The following MAGI2 variants were observed in gnomAD, a reference collection of about 807,000 sequenced individuals.
MAGI2 encodes the protein membrane associated guanylate kinase, WW and PDZ domain containing 2.
In MAGI2, 35 loss-of-function variants were observed where a neutral mutation model predicts 133.3. The observed-to-expected ratio is 0.26, with a 90% CI of 0.20 to 0.35. The LOEUF is 0.35. MAGI2 is among the 10% of genes least tolerant of loss of function. MAGI2 has a pLI of 1.00. For missense variants in MAGI2, 1,636 were observed against 1,863.4 expected (o/e 0.88, Z 2.25); for synonymous variants, 729 against 710.6 (o/e 1.03, Z -0.41).
At chr7:79,324,654 ATTATATATATATAAAATATATATATATT>A in intron 1 of MAGI2, among the ~76,000 whole-genome samples, 1 of 2,498 alleles carries the variant, frequency 4.0e-4, no homozygotes, top group South Asian at 0.033. Flanking sequence ...ATATATATAT[ATTATATATATATAAAATATATATATATT>A]ATATATATAT....
intron 2 of MAGI2, among the ~76,000 whole-genome samples, chr7:78,773,522 A>T (rs1825749907): frequency 6.6e-6 from 1 of 152,212 alleles, no homozygotes; most frequent in African/African-American, 2.4e-5. Flanking sequence ...CATACTAAGC[A>T]CTGAGGGGTA....
chr7:78,786,698 CA>C (rs1307349657), intron 2 of MAGI2, among the ~76,000 whole-genome samples: 8 of 152,290 alleles, frequency 5.3e-5, no homozygotes, highest in African/African-American at 1.9e-4. Flanking sequence ...TCCTGACACA[CA>C]TACACTTTCT....
chr7:79,039,420 C>CT (rs897160875), intron 1 of MAGI2, among the ~76,000 whole-genome samples: 7 of 151,808 alleles, frequency 4.6e-5, no homozygotes, highest in Admixed American at 2.6e-4. Context: ...TAATTCTTTT[C>CT]TTTTTTTTAA....
chr7:79,220,459 A>G (rs1830364720), intron 1 of MAGI2, among the ~76,000 whole-genome samples: 1 of 151,980 alleles, frequency 6.6e-6, no homozygotes. Flanking sequence ...AATGACCCCA[A>G]TACATACATA....
chr7:79,301,145 T>C (rs920056582), intron 1 of MAGI2, among the ~76,000 whole-genome samples: 4 of 152,100 alleles, frequency 2.6e-5, no homozygotes, highest in African/African-American at 9.7e-5. Flanking sequence ...AAATGTGGAT[T>C]TGGAGCCCCC....
At chr7:78,429,242 A>G (rs890103132) in intron 6 of MAGI2, among the ~76,000 whole-genome samples, 2 of 151,824 alleles carry the variant, frequency 1.3e-5, no homozygotes, top group African/African-American at 4.8e-5. Context: ...CCCAAACATC[A>G]TCAGAACTCC....
chr7:79,293,626 A>G (rs1285329036), intron 1 of MAGI2, among the ~76,000 whole-genome samples: 1 of 152,242 alleles, frequency 6.6e-6, no homozygotes, highest in East Asian at 1.9e-4. Context: ...ATGACATTAT[A>G]AGGTATGTAC....
At chr7:78,248,422 A>G (rs1328251007) in intron 10 of MAGI2, among the ~76,000 whole-genome samples, 1 of 152,178 alleles carries the variant, frequency 6.6e-6, no homozygotes, top group Non-Finnish European at 1.5e-5. Flanking sequence ...CTTATCTATC[A>G]ATAAATACTT....
intron 2 of MAGI2, among the ~76,000 whole-genome samples, chr7:78,685,548 C>A (rs1030031416): frequency 5.5e-5 from 8 of 145,038 alleles, no homozygotes; most frequent in Non-Finnish European, 1.2e-4. Flanking sequence ...AAGAACATAA[C>A]TTTTATTTCA....
chr7:78,770,493 T>C lies in MAGI2; in HGVS notation c.419-143254A>G, dbSNP rs117329203. Among the ~76,000 whole-genome samples, 155 of 152,358 alleles carry C rather than the reference T, an allele frequency of 1.0e-3. No individual in the cohort carries two copies. In the South Asian group the frequency reaches 0.014, roughly 14 times the overall value. ...AAGAAATGCCAAGTCAGCAGATATC[T>C]GCTGTTTACATTTCACAATAACCTA... On this transcript the variant is annotated intron_variant, in intron 2 of 21. Coordinates refer to ENST00000354212, the MANE Select transcript of MAGI2 (RefSeq NM_012301.4).
intron 6 of MAGI2, among the ~76,000 whole-genome samples, chr7:78,376,350 T>C (rs965411360): frequency 1.3e-5 from 2 of 152,126 alleles, no homozygotes; most frequent in Non-Finnish European, 2.9e-5. Context: ...GTCAATATCA[T>C]GGAAATGTAG....
intron 6 of MAGI2, among the ~76,000 whole-genome samples, chr7:78,483,134 G>T (rs990533319): frequency 6.6e-6 from 1 of 151,676 alleles, no homozygotes; most frequent in Admixed American, 6.6e-5. Flanking sequence ...CAAGTGAGGG[G>T]TGTCTAAAAC....
chr7:78,160,237 G>C lies in MAGI2; in HGVS notation c.2633C>G (p.Ser878Cys), dbSNP rs1222473387. ...TGGAGAGCTGTGGTGGGTGGATACAGAGCCTGGACTTCTCCCGTTCTCTGG... is the reference window on the plus strand; with the variant it reads ...TGGAGAGCTGTGGTGGGTGGATACACAGCCTGGACTTCTCCCGTTCTCTGG... ...PCPENGRSPG[S>C]VSTHHSSPRS... is the part of the protein sequence containing the mutation. The change falls in exon 16 of 22, where the codon TCT becomes TGT. Residue 878 changes from serine (S) to cysteine (C), a missense_variant. Ser to Cys is a moderately radical substitution (Grantham distance 112). Transcript: ENST00000354212. The C allele has an allele frequency of 6.2e-7, 1 of 1,606,584 alleles. No homozygotes were observed. The highest frequency in any genetic ancestry group is 8.5e-7 in the Non-Finnish European group (1 of 1,175,908).
At chr7:78,747,382 A>T (rs377388154) in intron 2 of MAGI2, among the ~76,000 whole-genome samples, 3 of 152,152 alleles carry the variant, frequency 2.0e-5, no homozygotes, top group East Asian at 3.8e-4. Context: ...TCATTTATTC[A>T]TGTTTGTTCA....
intron 1 of MAGI2, among the ~76,000 whole-genome samples, chr7:79,309,968 TAAAAAAA>T: frequency 9.9e-6 from 1 of 101,518 alleles, no homozygotes; most frequent in Admixed American, 1.2e-4. Flanking sequence ...TTGTTTTTCC[TAAAAAAA>T]AAAAAAAAGA....
chr7:79,322,108 C>T lies in MAGI2; in HGVS notation c.301+130912G>A, dbSNP rs182880690. On this transcript the variant is annotated intron_variant, in intron 1 of 21. Transcript: ENST00000354212. ...AGAAAAAAAATTAAAGGCATAGAAGCATTTACCTTCTTCATAGCAGCATAA... is the reference window on the plus strand; with the variant it reads ...AGAAAAAAAATTAAAGGCATAGAAGTATTTACCTTCTTCATAGCAGCATAA... Among the ~76,000 whole-genome samples the T allele has an allele frequency of 7.9e-5, 12 of 152,102 alleles. No individual in the cohort carries two copies. In the East Asian group the frequency reaches 2.3e-3, roughly 29 times the overall value.
At chr7:79,279,807 T>G (rs1835494557) in intron 1 of MAGI2, among the ~76,000 whole-genome samples, 1 of 152,182 alleles carries the variant, frequency 6.6e-6, no homozygotes, top group Non-Finnish European at 1.5e-5. Flanking sequence ...ACATTTACCA[T>G]AACATAAAAT....
At chr7:78,403,659 C>T (rs10233862) in intron 6 of MAGI2, among the ~76,000 whole-genome samples, 27,883 of 151,996 alleles carry the variant, frequency 0.18, 2,755 homozygotes, top group South Asian at 0.23. Flanking sequence ...TCTGCAGCAC[C>T]TGTTGTTTCC....
intron 1 of MAGI2, among the ~76,000 whole-genome samples, chr7:79,258,801 AG>A (rs370700254): frequency 2.4e-4 from 37 of 152,336 alleles, no homozygotes; most frequent in African/African-American, 7.7e-4. Flanking sequence ...GGCAAAAAAA[AG>A]GAATTACTCT....
Sources: gnomAD v4.1 joint callset for allele counts (sites outside exome capture counted in the v4.1 genomes callset) on GRCh38, gnomAD v4.1.1 for gene constraint, MANE v1.5 for transcripts, NCBI Gene and HGNC (gene_info 2026-07-23, HGNC 2026-07-21) for gene names.